FOXI2: variants seen among roughly 807,000 people sequenced by gnomAD.
The protein encoded by FOXI2 is forkhead box protein I2.
Under a neutral mutation model 14.3 loss-of-function variants are expected in FOXI2, and 17 were observed. The ratio of observed to expected loss-of-function variants is 1.19; its 90% CI spans 0.81 to 1.78. The LOEUF (loss-of-function observed/expected upper bound fraction) is 1.78, where lower values mean the gene tolerates loss of function less well. Among genes scored for constraint, FOXI2 ranks in the 40% most tolerant of loss-of-function variants. The pLI, the probability that FOXI2 is intolerant of heterozygous loss-of-function variation, is 0.00. For synonymous variants in FOXI2, 240 were observed against 218.8 expected (o/e 1.10, Z -0.85); for missense variants, 541 against 460.0 (o/e 1.18, Z -1.61).
At position 127,739,557 on chromosome 10, in the gene FOXI2, G is replaced by A. The variant is rs72843154; in HGVS notation, c.*592G>A. ...TTGGCATTGGGTCCTGTGTAAGGAA[G>A]GTCTTGCTAATGGTTGGAACTGCTG... On this transcript the variant is annotated 3_prime_UTR_variant, in exon 2 of 2. Transcript: ENST00000388920. 0.14 allele frequency: 22,090 copies of A among 152,632 alleles called. 1,700 individuals carry two copies. Among genetic ancestry groups the A allele is most frequent in the African/African-American group, 0.17 (7,146 of 41,514 alleles). 9.5% of individuals were successfully genotyped at this position (152,632 alleles called of 1,614,324 possible). A position where few individuals can be genotyped will look rare whatever the true frequency, so the allele number is the denominator to read the frequency against.
At position 127,739,821 on chromosome 10, in the gene FOXI2, C is replaced by CCACACCCACACT. The variant is rs1846475896; in HGVS notation, c.*867_*868insTCACACCCACAC. On this transcript the variant is annotated 3_prime_UTR_variant, in exon 2 of 2. Transcript: ENST00000388920. ...CTCACACCCACACTCACACCCACAC[C>CCACACCCACACT]CACACCCACACCCACACTCACACTC... The CCACACCCACACT allele has an allele frequency of 1.1e-5, 1 of 87,394 alleles. No homozygotes were observed. Among genetic ancestry groups the CCACACCCACACT allele is most frequent in the African/African-American group, 5.1e-5 (1 of 19,696 alleles). The allele number at this position is 87,394 out of a possible 1,614,324, so 5.4% of individuals were successfully genotyped here.
In FOXI2 at chr10:127,737,588, C is replaced by G. The variant is rs1474109147; in HGVS notation, c.315C>G (p.Tyr105Ter). ...TGCTGAGGCTGGTGCGGCCGCCCTA[C>G]TCCTACTCGGCGCTCATCGCCATGG... ...QELLRLVRPP[Y>*]SYSALIAMAI... The change falls in exon 1 of 2, where the codon TAC (tyrosine) becomes TAG (stop). Residue 105 changes from tyrosine to a stop codon, truncating the protein, a stop_gained. Transcript: ENST00000388920. LOFTEE classifies it high-confidence loss of function. The G allele has an allele frequency of 6.4e-7, 1 of 1,552,764 alleles. No homozygotes were observed. The highest frequency in any genetic ancestry group is 8.7e-7 in the Non-Finnish European group (1 of 1,148,346).
In FOXI2 at chr10:127,738,929, TCA is replaced by T; in HGVS notation, c.923_924del (p.His308ProfsTer42). The T allele has an allele frequency of 2.5e-6, 4 of 1,602,134 alleles. No homozygotes were observed. The highest frequency in any genetic ancestry group is 3.4e-6 in the Non-Finnish European group (4 of 1,179,572). On this transcript the variant is annotated frameshift_variant, in exon 2 of 2. Transcript: ENST00000388920. LOFTEE classifies it high-confidence loss of function. ...CCGCGGCCGCCGGCTTCCGCCTCAG[TCA>T]CCTCCTCTACAGCCGGGAAGGGACC... ...QTAAAGFRLS[H>X]LLYSREGTEV
At chr10:127,737,821 C>G (rs780091238) in intron 1 of FOXI2, 37 bp downstream of exon 1, 42 of 1,582,148 alleles carry the variant, frequency 2.7e-5, no homozygotes, top group Non-Finnish European at 3.4e-5. Flanking sequence ...GTCCAGGACT[C>G]CCCATCTTCC....
Position 127,737,802 on chromosome 10 carries a change from G to C in FOXI2, c.511+18G>C, listed in dbSNP as rs767201724. 9 of 1,598,844 alleles carry C rather than the reference G, an allele frequency of 5.6e-6. No homozygotes were observed. The highest frequency in any genetic ancestry group is 7.7e-6 in the Non-Finnish European group (9 of 1,173,086). On this transcript the variant is annotated intron_variant, in intron 1 of 1. Coordinates refer to ENST00000388920, the MANE Select transcript of FOXI2 (RefSeq NM_207426.3). ...CGACCCAGGTAACAGCGGCGCGCCG[G>C]CTCGCTCCGTCCAGGACTCCCCATC...
In FOXI2 at chr10:127,739,333, C is replaced by G; in HGVS notation, c.*368C>G. ...TGGCTGACTCCAAAGAGCCTTAGAG[C>G]AGATGGGAAGAAGGTGGGCTGCCAG... On this transcript the variant is annotated 3_prime_UTR_variant, in exon 2 of 2. Transcript: ENST00000388920. 5.0e-6 allele frequency: 1 copy of G among 200,698 alleles called. No individual in the cohort carries two copies. Among genetic ancestry groups the G allele is most frequent in the Non-Finnish European group, 1.0e-5 (1 of 100,500 alleles). 12.4% of individuals were successfully genotyped at this position (200,698 alleles called of 1,614,324 possible).
intron 1 of FOXI2, 50 bp from the exon 2 acceptor site, chr10:127,738,470 G>T: frequency 6.9e-7 from 1 of 1,457,670 alleles, no homozygotes; most frequent in South Asian, 1.2e-5. Context: ...CTCACACCAC[G>T]GCCCGTCAAA....
rs1350251800 is a variant in FOXI2, at chr10:127,739,893, CCA to C, written c.*932_*933del. ...CCCACACTCACACCCACACCCACAC[CCA>C]CACTCACACACACTCACACCCACAC... On this transcript the variant is annotated 3_prime_UTR_variant, in exon 2 of 2. Transcript: ENST00000388920. 2.9e-5 allele frequency: 2 copies of C among 67,870 alleles called. No homozygotes were observed. The highest frequency in any genetic ancestry group is 5.8e-5 in the Non-Finnish European group (2 of 34,470). The allele number at this position is 67,870 out of a possible 1,614,324, so 4.2% of individuals were successfully genotyped here. A position where few individuals can be genotyped will look rare whatever the true frequency, so the allele number is the denominator to read the frequency against.
chr10:127,738,445 T>C, intron 1 of FOXI2, 75 bp from the exon 2 acceptor site: 3 of 1,195,820 alleles, frequency 2.5e-6, no homozygotes, highest in Non-Finnish European at 2.4e-6. Flanking sequence ...TTTCTGAAGC[T>C]GACCTCCTCG....
chr10:127,737,576 G>A lies in FOXI2; in HGVS notation c.303G>A (p.Val101=), dbSNP rs1188806875. The change falls in exon 1 of 2, where the codon GTG becomes GTA. Residue 101 remains valine, a synonymous_variant. Transcript: ENST00000388920. ...GCCAGCAGGAGCTGCTGAGGCTGGT[G>A]CGGCCGCCCTACTCCTACTCGGCGC... ...LSGQQELLRL[V]RPPYSYSALI... The A allele has an allele frequency of 1.7e-5, 27 of 1,548,400 alleles. No homozygotes were observed. The highest frequency in any genetic ancestry group is 8.2e-5 in the African/African-American group (6 of 73,082).
In FOXI2 at chr10:127,737,202, G is replaced by A. The variant is rs948253964; in HGVS notation, c.-72G>A. The A allele has an allele frequency of 7.0e-6, 10 of 1,429,974 alleles. No homozygotes were observed. The highest frequency in any genetic ancestry group is 8.2e-6 in the Non-Finnish European group (9 of 1,099,246). The allele number at this position is 1,429,974 out of a possible 1,614,324, so 88.6% of individuals were successfully genotyped here. The stretch of plus-strand genomic sequence containing the variant: ...GGCTGGTCGCACCCGGGCGCTGCTG[G>A]CGGCCAAGCTGGATGGGTCGCCAGT... On this transcript the variant is annotated 5_prime_UTR_variant, in exon 1 of 2. Transcript: ENST00000388920.
In FOXI2 at chr10:127,739,268, C is replaced by A; in HGVS notation, c.*303C>A. ...TCTCGAGGGATTTGCCTTGAAGGGG[C>A]GGCGGGTCGGCCCTCAGCTCCAGCG... On this transcript the variant is annotated 3_prime_UTR_variant, in exon 2 of 2. Transcript: ENST00000388920. The A allele has an allele frequency of 3.0e-6, 1 of 337,476 alleles. No individual in the cohort carries two copies. The highest frequency in any genetic ancestry group is 2.2e-5 in the African/African-American group (1 of 46,446). 20.9% of individuals were successfully genotyped at this position (337,476 alleles called of 1,614,324 possible). A position where few individuals can be genotyped will look rare whatever the true frequency, so the allele number is the denominator to read the frequency against.
At chr10:127,738,289 G>C (rs952939580) in intron 1 of FOXI2, among the ~76,000 whole-genome samples, 15 of 152,198 alleles carry the variant, frequency 9.9e-5, no homozygotes, top group African/African-American at 3.6e-4. Flanking sequence ...ACGGGGCTCG[G>C]CCTTTCCCAG....
rs771498434 is a variant in FOXI2, at chr10:127,738,629, G to C, written c.621G>C (p.Ser207=). The part of the protein sequence containing the change: ...RRAEASAAVR[S]GARSVGGAEA... ...CTGAAGCCAGCGCGGCCGTGCGCTC[G>C]GGAGCCAGGAGCGTGGGAGGGGCCG... The change falls in exon 2 of 2, where the codon TCG becomes TCC. Residue 207 remains serine, a synonymous_variant. Coordinates refer to ENST00000388920, the MANE Select transcript of FOXI2 (RefSeq NM_207426.3). 20 of 1,604,008 alleles carry C rather than the reference G, an allele frequency of 1.2e-5. No homozygotes were observed. The highest frequency in any genetic ancestry group is 9.0e-5 in the East Asian group (4 of 44,470).
At position 127,737,584 on chromosome 10, in the gene FOXI2, C is replaced by T; in HGVS notation, c.311C>T (p.Pro104Leu). 6.4e-7 allele frequency: 1 copy of T among 1,551,838 alleles called. No individual in the cohort carries two copies. ...QQELLRLVRP[P>L]YSYSALIAMA... ...GAGCTGCTGAGGCTGGTGCGGCCGC[C>T]CTACTCCTACTCGGCGCTCATCGCC... The change falls in exon 1 of 2, where the codon CCC (proline) becomes CTC (leucine). Residue 104 changes from proline (P) to leucine (L), a missense_variant. By Grantham distance (98) the Pro-to-Leu change is moderately conservative. Transcript: ENST00000388920.
rs898288039 is a variant in FOXI2 at position 127,740,404 on chromosome 10, C to T, written c.*1439C>T. On this transcript the variant is annotated 3_prime_UTR_variant, in exon 2 of 2. Transcript: ENST00000388920. ...TTGTGAAGGACAAGGAGCCCCCAGT[C>T]ACTGGGAAGAGGAATTTTTTGGCCT... The T allele has an allele frequency of 5.9e-5, 9 of 152,250 alleles. No individual in the cohort carries two copies. The highest frequency in any genetic ancestry group is 1.3e-4 in the Non-Finnish European group (9 of 68,118). 9.4% of individuals were successfully genotyped at this position (152,250 alleles called of 1,614,324 possible).
At chr10:127,737,904 C>G in intron 1 of FOXI2, 120 bp downstream of exon 1, 1 of 1,445,340 alleles carries the variant, frequency 6.9e-7, no homozygotes, top group Non-Finnish European at 9.3e-7. Flanking sequence ...GTTGGGGATA[C>G]CCGGGGAGGA....
Position 127,740,127 on chromosome 10 carries a change from A to ACTCACACC in FOXI2, c.*1163_*1164insTCACACCC, listed in dbSNP as rs1564749587. 12 of 45,364 alleles carry ACTCACACC rather than the reference A, an allele frequency of 2.6e-4. No individual in the cohort carries two copies. The highest frequency in any genetic ancestry group is 1.0e-3 in the East Asian group (1 of 980). The allele number at this position is 45,364 out of a possible 1,614,324, so 2.8% of individuals were successfully genotyped here. Reference sequence around the variant, plus strand: ...CCACACTCACACCACACTCACACCCACACACACCCACACTCATACTCACAC... The same window carrying ACTCACACC: ...CCACACTCACACCACACTCACACCCACTCACACCCACACACCCACACTCATACTCACAC... On this transcript the variant is annotated 3_prime_UTR_variant, in exon 2 of 2. Transcript: ENST00000388920.
chr10:127,738,590 G>A lies in FOXI2; in HGVS notation c.582G>A (p.Lys194=). The stretch of plus-strand genomic sequence containing the variant: ...TTGACAACGGGAACTTCCGAAGGAA[G>A]AGGAAGAGGAGAGCTGAAGCCAGCG... ...KMFDNGNFRR[K]RKRRAEASAA... Residue 194 remains lysine, a synonymous_variant, in exon 2 of 2, where the codon AAG becomes AAA. Transcript: ENST00000388920. The A allele has an allele frequency of 1.2e-6, 2 of 1,612,202 alleles. No homozygotes were observed. The highest frequency in any genetic ancestry group is 1.7e-6 in the Non-Finnish European group (2 of 1,179,068).
Sources: gnomAD v4.1 joint callset for allele counts (sites outside exome capture counted in the v4.1 genomes callset) on GRCh38, gnomAD v4.1.1 for gene constraint, MANE v1.5 for transcripts, NCBI Gene and HGNC (gene_info 2026-07-23, HGNC 2026-07-21) for gene names.